Variants in SPAG16 observed in about 807,000 individuals in gnomAD.
SPAG16 encodes sperm-associated antigen 16 protein.
In SPAG16, 86 loss-of-function variants were observed where a neutral mutation model predicts 80.4. That is an observed-to-expected ratio of 1.07 (90% CI 0.90 to 1.28). The LOEUF (loss-of-function observed/expected upper bound fraction) is 1.28, where lower values mean the gene tolerates loss of function less well. Among genes scored for constraint, SPAG16 ranks in the 50% most tolerant of loss-of-function variants. The probability of loss-of-function intolerance (pLI) is 0.00; values close to 1 mark genes in which losing one functional copy is unlikely to be tolerated. For missense variants in SPAG16, 870 were observed against 765.3 expected, an observed-to-expected ratio of 1.14 and a Z score of -1.61; for synonymous variants, 294 against 265.9, an observed-to-expected ratio of 1.11 and a Z score of -1.03.
At chr2:214,016,966 A>G (rs2047621806) in intron 13 of SPAG16, among the ~76,000 whole-genome samples, 1 of 152,144 alleles carries the variant, frequency 6.6e-6, no homozygotes, top group Non-Finnish European at 1.5e-5. Context: ...TGGTGTTAGG[A>G]GGGATGCAAG....
intron 12 of SPAG16, among the ~76,000 whole-genome samples, chr2:213,931,109 T>C (rs1048700505): frequency 6.6e-6 from 1 of 152,242 alleles, no homozygotes; most frequent in Admixed American, 6.5e-5. Flanking sequence ...TTCCCTTTTT[T>C]AGTTACTTAG....
intron 10 of SPAG16, among the ~76,000 whole-genome samples, chr2:213,810,823 G>C (rs2072106158): frequency 6.6e-6 from 1 of 152,162 alleles, no homozygotes; most frequent in Non-Finnish European, 1.5e-5. Context: ...GAGGGTCTCA[G>C]GTAATATCTG....
chr2:214,077,217 A>G (rs1369393135), intron 13 of SPAG16, among the ~76,000 whole-genome samples: 1 of 152,192 alleles, frequency 6.6e-6, no homozygotes. Context: ...GGGCAAGAAT[A>G]TAACTGTACC....
chr2:213,970,564 A>G (rs534001689), intron 12 of SPAG16, among the ~76,000 whole-genome samples: 1 of 152,280 alleles, frequency 6.6e-6, no homozygotes, highest in South Asian at 2.1e-4. Flanking sequence ...GGCCTCCCAA[A>G]GCACTGGTTT....
intron 9 of SPAG16, chr2:213,422,422 C>A (rs1273882428): frequency 1.4e-5 from 9 of 627,660 alleles, no homozygotes; most frequent in Non-Finnish European, 2.3e-5. Context: ...GTGGCTGGAC[C>A]TGGTTCTCAC....
At chr2:214,283,542 C>T (rs1288836023) in intron 15 of SPAG16, among the ~76,000 whole-genome samples, 1 of 152,008 alleles carries the variant, frequency 6.6e-6, no homozygotes, top group Non-Finnish European at 1.5e-5. Flanking sequence ...ACAGAAAGAT[C>T]CATTAAGTTA....
At chr2:213,874,709 T>G (rs2076079303) in intron 11 of SPAG16, among the ~76,000 whole-genome samples, 1 of 152,162 alleles carries the variant, frequency 6.6e-6, no homozygotes, top group South Asian at 2.1e-4. Flanking sequence ...ATATCATATA[T>G]GCAGTCCATC....
At chr2:214,016,491 A>C (rs6435810) in intron 13 of SPAG16, among the ~76,000 whole-genome samples, 64,839 of 151,974 alleles carry the variant, frequency 0.43, 14,119 homozygotes, top group South Asian at 0.69. Flanking sequence ...GTGGGGAACA[A>C]AAAGCCAAGC....
intron 12 of SPAG16, among the ~76,000 whole-genome samples, chr2:213,980,725 T>TATATATATATATATATATATATAGAGAG (rs374274176): frequency 2.9e-5 from 3 of 104,024 alleles, no homozygotes; most frequent in African/African-American, 1.0e-4. Context: ...TATATATATA[T>TATATATATATATATATATATATAGAGAG]AGAGAGAGAG....
intron 15 of SPAG16, among the ~76,000 whole-genome samples, chr2:214,211,767 T>A (rs985734307): frequency 6.6e-6 from 1 of 152,164 alleles, no homozygotes; most frequent in African/African-American, 2.4e-5. Flanking sequence ...CAGCAAATTG[T>A]CAAGTAAGCT....
At chr2:214,019,655 C>A (rs1477007732) in intron 13 of SPAG16, among the ~76,000 whole-genome samples, 1 of 152,134 alleles carries the variant, frequency 6.6e-6, no homozygotes, top group Non-Finnish European at 1.5e-5. Context: ...TCATCCTGCA[C>A]CCTGCATAGG....
chr2:214,263,087 C>T (rs1272776193), intron 15 of SPAG16, among the ~76,000 whole-genome samples: 4 of 152,044 alleles, frequency 2.6e-5, no homozygotes, highest in African/African-American at 7.2e-5. Context: ...TTAAGATCTA[C>T]TCTTTAAGCA....
At chr2:214,120,012 G>C (rs950200135) in intron 14 of SPAG16, among the ~76,000 whole-genome samples, 2 of 151,754 alleles carry the variant, frequency 1.3e-5, no homozygotes, top group Admixed American at 6.6e-5. Flanking sequence ...ATGTAGATTT[G>C]CTTCTTTTTT....
chr2:213,413,459 A>T (rs764385974), intron 9 of SPAG16, among the ~76,000 whole-genome samples: 2 of 152,176 alleles, frequency 1.3e-5, no homozygotes, highest in Non-Finnish European at 2.9e-5. Flanking sequence ...TGAGCATCTC[A>T]TCATGTGCTA....
At chr2:213,791,302 A>C (rs558009061) in intron 10 of SPAG16, among the ~76,000 whole-genome samples, 5 of 152,218 alleles carry the variant, frequency 3.3e-5, no homozygotes, top group Non-Finnish European at 5.9e-5. Flanking sequence ...GAAAAAAAAA[A>C]CATAAATCCT....
At chr2:214,328,597 T>C (rs1004017090) in intron 15 of SPAG16, among the ~76,000 whole-genome samples, 3 of 152,216 alleles carry the variant, frequency 2.0e-5, no homozygotes, top group East Asian at 3.8e-4. Flanking sequence ...GGCAGTGCAA[T>C]TGGATTGAAA....
chr2:213,971,227 A>G (rs1342408879), intron 12 of SPAG16, among the ~76,000 whole-genome samples: 1 of 152,150 alleles, frequency 6.6e-6, no homozygotes, highest in Non-Finnish European at 1.5e-5. Flanking sequence ...TGACATTCTA[A>G]ATCCAAGTAC....
chr2:213,340,075 T>C (rs1559427390), intron 5 of SPAG16, 88 bp from the exon 6 acceptor site: 4 of 759,164 alleles, frequency 5.3e-6, no homozygotes, highest in Non-Finnish European at 8.7e-6. Flanking sequence ...ATCTTTTGAA[T>C]GGCACAATAC....
intron 15 of SPAG16, among the ~76,000 whole-genome samples, chr2:214,294,531 A>T (rs998274541): frequency 1.3e-5 from 2 of 152,222 alleles, no homozygotes; most frequent in African/African-American, 4.8e-5. Flanking sequence ...GACAGCCAAA[A>T]TATTATTAAT....
Sources: gnomAD v4.1 joint callset for allele counts (sites outside exome capture counted in the v4.1 genomes callset) on GRCh38, gnomAD v4.1.1 for gene constraint, MANE v1.5 for transcripts, NCBI Gene and HGNC (gene_info 2026-07-23, HGNC 2026-07-21) for gene names.